The following UNC13C variants were observed in gnomAD, a reference collection of about 807,000 sequenced individuals.
UNC13C encodes protein unc-13 homolog C.
A neutral mutation model predicts 245.4 loss-of-function variants in UNC13C; 174 were observed. The observed-to-expected ratio is 0.71, with a 90% CI of 0.63 to 0.80. The LOEUF (loss-of-function observed/expected upper bound fraction) is 0.80, where lower values mean the gene tolerates loss of function less well. Ranked by LOEUF, UNC13C falls within the 30% of genes least tolerant of loss-of-function variation. The probability of loss-of-function intolerance (pLI) is 0.00; values close to 1 mark genes in which losing one functional copy is unlikely to be tolerated. For synonymous variants in UNC13C, 992 were observed against 895.1 expected (o/e 1.11, Z -1.93); for missense variants, 2,829 against 2,602.9 (o/e 1.09, Z -1.89).
chr15:54,591,093 T>C (rs1218815345), intron 30 of UNC13C, among the ~76,000 whole-genome samples: 2 of 152,210 alleles, frequency 1.3e-5, no homozygotes, highest in African/African-American at 4.8e-5. Flanking sequence ...ATGTATCACA[T>C]TTTTTGACTT....
Position 54,623,825 on chromosome 15 carries a change from C to A in UNC13C, c.6230C>A (p.Thr2077Asn), listed in dbSNP as rs1342882826. Residue 2077 changes from threonine (T) to asparagine (N), a missense_variant, in exon 32 of 33, where the codon ACC becomes AAC. By Grantham distance (65) the Thr-to-Asn change is moderately conservative. Transcript: ENST00000260323. ...GCTATTAATGACCTAAACTGGCAGACCACAGCAATGTTCCGCCCCTTTGTG... is the reference window on the plus strand; with the variant it reads ...GCTATTAATGACCTAAACTGGCAGAACACAGCAATGTTCCGCCCCTTTGTG... ...VIAINDLNWQ[T>N]TAMFRPFVEV... The A allele has an allele frequency of 3.7e-6, 6 of 1,612,858 alleles. No homozygotes were observed. Among genetic ancestry groups the A allele is most frequent in the Admixed American group, 1.7e-5 (1 of 59,824 alleles).
chr15:54,216,595 CTA>C lies in UNC13C; in HGVS notation c.3072-18434_3072-18433del, dbSNP rs543969679. ...TGGAGTCACTTCCTATACAAATTTA[CTA>C]GAGAGAAAGCAAGAGAGGGCAAATA... On this transcript the variant is annotated intron_variant, in intron 4 of 32. Transcript: ENST00000260323. 2.6e-5 allele frequency among the ~76,000 whole-genome samples: 4 copies of C among 151,868 alleles called. No homozygotes were observed. The South Asian group carries it at 8.3e-4, about 32-fold the overall frequency.
chr15:54,153,509 T>G (rs2032614274), intron 4 of UNC13C, among the ~76,000 whole-genome samples: 1 of 152,006 alleles, frequency 6.6e-6, no homozygotes, highest in Non-Finnish European at 1.5e-5. Flanking sequence ...AGTGACAGTA[T>G]CAGAGCTGAG....
At chr15:53,879,095 C>A in the UNC13C span, among the ~76,000 whole-genome samples, 1 of 152,026 alleles carries the variant, frequency 6.6e-6, no homozygotes, top group African/African-American at 2.4e-5. Flanking sequence ...AAAAAAATTA[C>A]TTTTTTTAGC....
intron 19 of UNC13C, among the ~76,000 whole-genome samples, chr15:54,452,002 T>C (rs767817802): frequency 1.3e-5 from 2 of 152,192 alleles, no homozygotes; most frequent in African/African-American, 4.8e-5. Flanking sequence ...CAGTAGTGTA[T>C]TATTTGTATC....
the UNC13C span, among the ~76,000 whole-genome samples, chr15:53,962,991 T>C: frequency 0.047 from 7,128 of 152,236 alleles, 268 homozygotes; most frequent in African/African-American, 0.1. Flanking sequence ...AGAGAATATT[T>C]ATGTAGCTTT....
chr15:53,912,796 A>T, the UNC13C span: 1 of 152,254 alleles, frequency 6.6e-6, no homozygotes. Flanking sequence ...ACTAATAAGA[A>T]GTTAGAGGAG....
rs369831340 is a variant in UNC13C, at chr15:54,473,963, G to A, written c.4934-20645G>A. ...TGTGTACACCTTTTTAAATGAGAAC[G>A]TGTGATATTTGTCTTCTGTGTCTGG... On this transcript the variant is annotated intron_variant, in intron 19 of 32. Transcript: ENST00000260323. 1.3e-4 allele frequency among the ~76,000 whole-genome samples: 19 copies of A among 151,726 alleles called. 1 individual carries two copies. Among genetic ancestry groups the A allele is most frequent in the Admixed American group, 3.3e-4 (5 of 15,178 alleles).
At position 54,018,676 on chromosome 15, in the gene UNC13C, T is replaced by C. The variant is rs183263171; in HGVS notation, c.2983+2790T>C. 1.1e-3 allele frequency among the ~76,000 whole-genome samples: 173 copies of C among 152,282 alleles called. 2 individuals carry two copies. The highest frequency in any genetic ancestry group is 3.9e-3 in the African/African-American group (162 of 41,560). ...CTCTCTGATCCCCCACCTTCAGCCT[T>C]GTACCACCTATCAACTGGAATTAAC... On this transcript the variant is annotated intron_variant, in intron 2 of 32. Transcript: ENST00000260323.
intron 13 of UNC13C, among the ~76,000 whole-genome samples, chr15:54,304,525 G>A (rs543603745): frequency 5.1e-4 from 78 of 151,646 alleles, no homozygotes; most frequent in African/African-American, 1.7e-3. Flanking sequence ...CCTGACGTCC[G>A]TTTCCTCCCA....
the UNC13C span, chr15:53,955,640 A>G: frequency 6.6e-6 from 1 of 152,218 alleles, no homozygotes; most frequent in Admixed American, 6.5e-5. Flanking sequence ...GTGTAGGGAT[A>G]TAAATGGGAA....
chr15:54,189,749 T>A (rs1205446098), intron 4 of UNC13C, among the ~76,000 whole-genome samples: 4 of 152,122 alleles, frequency 2.6e-5, no homozygotes, highest in African/African-American at 7.2e-5. Flanking sequence ...GTGGCAAAGC[T>A]TATAGGGCCA....
intron 19 of UNC13C, among the ~76,000 whole-genome samples, chr15:54,418,493 C>G (rs1052699666): frequency 6.6e-6 from 1 of 152,098 alleles, no homozygotes; most frequent in South Asian, 2.1e-4. Flanking sequence ...TCTTCCCGCA[C>G]CCTGTCTGCC....
chr15:54,127,207 A>G (rs2141206345), intron 2 of UNC13C, among the ~76,000 whole-genome samples: 1 of 152,346 alleles, frequency 6.6e-6, no homozygotes, highest in African/African-American at 2.4e-5. Context: ...ATTACTGGGT[A>G]TATACCCAAA....
intron 1 of UNC13C, among the ~76,000 whole-genome samples, chr15:53,996,303 G>T (rs529045383): frequency 6.6e-6 from 1 of 152,120 alleles, no homozygotes; most frequent in Non-Finnish European, 1.5e-5. Context: ...TCAAGAAGAC[G>T]TTTCTGTATC....
chr15:54,532,184 C>T (rs1026948757), intron 25 of UNC13C, among the ~76,000 whole-genome samples: 1 of 152,122 alleles, frequency 6.6e-6, no homozygotes, highest in African/African-American at 2.4e-5. Flanking sequence ...CCACCCTCTG[C>T]CCTCCAATAG....
At chr15:54,057,978 T>G (rs957213822) in intron 2 of UNC13C, among the ~76,000 whole-genome samples, 4 of 152,086 alleles carry the variant, frequency 2.6e-5, no homozygotes, top group Admixed American at 2.6e-4. Flanking sequence ...AGAGGGAAAT[T>G]TATAGCATTA....
At chr15:54,000,323 C>T (rs1380408224) in intron 1 of UNC13C, among the ~76,000 whole-genome samples, 1 of 152,048 alleles carries the variant, frequency 6.6e-6, no homozygotes, top group East Asian at 1.9e-4. Flanking sequence ...CCTCTCCAAA[C>T]TTTGATCTAC....
chr15:54,243,946 T>C (rs753962999), intron 7 of UNC13C, among the ~76,000 whole-genome samples: 11 of 152,224 alleles, frequency 7.2e-5, no homozygotes, highest in Non-Finnish European at 1.6e-4. Context: ...ACTCTTATTT[T>C]AGTTTCTTTT....
Sources: allele counts gnomAD v4.1 joint callset (sites outside exome capture counted in the v4.1 genomes callset), GRCh38; gene constraint gnomAD v4.1.1; transcripts MANE v1.5; gene names NCBI Gene and HGNC (gene_info 2026-07-23, HGNC 2026-07-21).